The following MARK4 variants were observed in gnomAD, a reference collection of about 807,000 sequenced individuals.
MARK4 encodes the protein MAP/microtubule affinity-regulating kinase 4.
In MARK4, 19 loss-of-function variants were observed where a neutral mutation model predicts 81.5. The ratio of observed to expected loss-of-function variants is 0.23; its 90% CI spans 0.16 to 0.34. The LOEUF (loss-of-function observed/expected upper bound fraction) is 0.34, where lower values mean the gene tolerates loss of function less well. Ranked by LOEUF, MARK4 falls within the 10% of genes least tolerant of loss-of-function variation. The pLI, the probability that MARK4 is intolerant of heterozygous loss-of-function variation, is 1.00. For synonymous variants in MARK4, 436 were observed against 439.0 expected, an observed-to-expected ratio of 0.99 and a Z score of 0.08; for missense variants, 772 against 1,058.8, an observed-to-expected ratio of 0.73 and a Z score of 3.76.
At chr19:45,261,221 G>A (rs536994675) in intron 2 of MARK4, among the ~76,000 whole-genome samples, 9 of 152,248 alleles carry the variant, frequency 5.9e-5, no homozygotes, top group Middle Eastern at 3.4e-3. Context: ...TGATTTTTAC[G>A]CGCTAGTTTG....
At chr19:45,262,912 C>T (rs1246171071) in intron 2 of MARK4, 8 of 561,056 alleles carry the variant, frequency 1.4e-5, no homozygotes, top group Admixed American at 6.0e-5. Flanking sequence ...TTACAGGTGC[C>T]TGCTACCACA....
intron 12 of MARK4, among the ~76,000 whole-genome samples, chr19:45,281,443 C>T (rs1168207464): frequency 3.3e-5 from 5 of 151,242 alleles, no homozygotes; most frequent in Admixed American, 6.6e-5. Context: ...TCACTGCAAC[C>T]TCCACCTCTT....
intron 1 of MARK4, among the ~76,000 whole-genome samples, chr19:45,255,068 G>A (rs898116929): frequency 1.3e-5 from 2 of 152,112 alleles, no homozygotes; most frequent in African/African-American, 4.8e-5. Flanking sequence ...TGTGTGTGGT[G>A]GTGCACTCCT....
In MARK4 at chr19:45,302,639, C is replaced by G. The variant is rs942736550; in HGVS notation, c.2188C>G (p.Arg730Gly). The change falls in exon 17 of 17, where the codon CGC becomes GGC. Residue 730 changes from arginine to glycine, a missense_variant. Arg to Gly is a moderately radical substitution (Grantham distance 125). Transcript: ENST00000262891. The surrounding 1 kb of genome is among the most constrained non-coding windows in gnomAD (Gnocchi z 4.9). The part of the protein sequence containing the change: ...PRPGLRGVLF[R>G]RVAGTALAFR... ...GCCAGGCTTGCGGGGAGTTCTCTTC[C>G]GCCGTGTGGCGGGCACCGCCCTGGC... 1 of 1,541,626 alleles carries G rather than the reference C, an allele frequency of 6.5e-7. No homozygotes were observed. Among genetic ancestry groups the G allele is most frequent in the Non-Finnish European group, 8.7e-7 (1 of 1,149,868 alleles).
chr19:45,259,248 G>A, intron 2 of MARK4, 59 bp downstream of exon 2: 2 of 1,579,590 alleles, frequency 1.3e-6, no homozygotes, highest in Non-Finnish European at 1.7e-6. Flanking sequence ...GGTCTTCGGT[G>A]TATGTTGATA....
chr19:45,302,863 T>G lies in MARK4; in HGVS notation c.*153T>G. The G allele has an allele frequency of 8.1e-7, 1 of 1,233,396 alleles. No homozygotes were observed. Among genetic ancestry groups the G allele is most frequent in the South Asian group, 1.5e-5 (1 of 64,636 alleles). 76.4% of individuals were successfully genotyped at this position (1,233,396 alleles called of 1,614,324 possible). ...GCAAAGATTGTCCCCTCTGCTGTTC[T>G]CTGGGGCCGCTCAGCACAGAAGAAG... On this transcript the variant is annotated 3_prime_UTR_variant, in exon 17 of 17. Coordinates refer to ENST00000262891, the MANE Select transcript of MARK4 (RefSeq NM_001199867.2). This position sits in a 1 kb window ranked among gnomAD's most constrained non-coding sequence, Gnocchi z 4.9.
intron 2 of MARK4, 90 bp downstream of exon 2, chr19:45,259,279 G>GT: frequency 6.9e-7 from 1 of 1,451,860 alleles, no homozygotes; most frequent in Non-Finnish European, 9.3e-7. Context: ...TTGGCCCTGG[G>GT]TTTGCTTTGT....
chr19:45,259,446 A>G (rs1267175643), intron 2 of MARK4, among the ~76,000 whole-genome samples: 1 of 152,112 alleles, frequency 6.6e-6, no homozygotes, highest in Non-Finnish European at 1.5e-5. Flanking sequence ...GTTGCTAAGG[A>G]TGCATGTGGC....
chr19:45,258,513 A>C (rs1388887390), intron 1 of MARK4, among the ~76,000 whole-genome samples: 2 of 151,998 alleles, frequency 1.3e-5, no homozygotes, highest in Non-Finnish European at 2.9e-5. Flanking sequence ...CAGCTTAGTC[A>C]ACATGGTGAA....
At position 45,263,177 on chromosome 19, in the gene MARK4, G is replaced by A. The variant is rs573576657; in HGVS notation, c.306+11G>A. 1.2e-6 allele frequency: 2 copies of A among 1,610,174 alleles called. No homozygotes were observed. The highest frequency in any genetic ancestry group is 1.7e-6 in the Non-Finnish European group (2 of 1,178,154). ...AGCAGCCTGCAGAAGGTGAGGCTGG[G>A]GAGACGGGGGAGAGCAGGAGCCAGG... is the stretch of plus-strand genomic sequence containing the variant. On this transcript the variant is annotated intron_variant, in intron 3 of 16. Coordinates refer to ENST00000262891, the MANE Select transcript of MARK4 (RefSeq NM_001199867.2).
chr19:45,257,389 T>C (rs1204107535), intron 1 of MARK4, among the ~76,000 whole-genome samples: 1 of 149,030 alleles, frequency 6.7e-6, no homozygotes, highest in Non-Finnish European at 1.5e-5. Context: ...TTCTCTTTTT[T>C]TTTTTTTTTT....
At chr19:45,266,368 C>A in intron 7 of MARK4, 87 bp downstream of exon 7, 1 of 1,308,222 alleles carries the variant, frequency 7.6e-7, no homozygotes, top group Non-Finnish European at 1.1e-6. Context: ...GTTTCCGTGG[C>A]CTCCAGCAAA....
intron 8 of MARK4, among the ~76,000 whole-genome samples, chr19:45,276,138 T>C (rs1970594868): frequency 6.6e-6 from 1 of 152,060 alleles, no homozygotes; most frequent in African/African-American, 2.4e-5. Flanking sequence ...GCAATCCTCC[T>C]GCTTCAGCCT....
intron 4 of MARK4, 47 bp from the exon 5 acceptor site, chr19:45,264,637 A>C: frequency 6.3e-7 from 1 of 1,576,772 alleles, no homozygotes; most frequent in Non-Finnish European, 8.7e-7. Flanking sequence ...ACAGGTTAGG[A>C]GGGGCCCTTT....
intron 8 of MARK4, 118 bp from the exon 9 acceptor site, chr19:45,277,805 A>G (rs987384536): frequency 8.1e-7 from 1 of 1,230,188 alleles, no homozygotes; most frequent in Non-Finnish European, 1.1e-6. Context: ...ACTTCTATCA[A>G]AGGGGTTGGG....
At chr19:45,256,267 G>C (rs1259573288) in intron 1 of MARK4, among the ~76,000 whole-genome samples, 3 of 152,092 alleles carry the variant, frequency 2.0e-5, no homozygotes, top group African/African-American at 7.2e-5. Context: ...ATGAAACCTC[G>C]TCTCTACTAA....
intron 4 of MARK4, among the ~76,000 whole-genome samples, chr19:45,264,340 A>G (rs1970421615): frequency 6.6e-6 from 1 of 152,078 alleles, no homozygotes; most frequent in South Asian, 2.1e-4. Flanking sequence ...CGTATCTATT[A>G]AAAATACAAA....
chr19:45,268,950 C>T (rs1970490435), intron 7 of MARK4, among the ~76,000 whole-genome samples: 1 of 152,148 alleles, frequency 6.6e-6, no homozygotes, highest in Non-Finnish European at 1.5e-5. Flanking sequence ...GGTCGTATGT[C>T]CCCTGGTGGA....
intron 6 of MARK4, among the ~76,000 whole-genome samples, 193 bp downstream of exon 6, chr19:45,265,103 G>C (rs536883315): frequency 9.2e-5 from 14 of 152,330 alleles, no homozygotes; most frequent in Non-Finnish European, 1.8e-4. Context: ...TAGGTTTGCA[G>C]GTGCCCCGTT....
Sources: gnomAD v4.1 joint callset for allele counts (sites outside exome capture counted in the v4.1 genomes callset) on GRCh38, gnomAD v4.1.1 for gene constraint, Gnocchi (gnomAD v3.1) non-coding constraint, MANE v1.5 for transcripts, NCBI Gene and HGNC (gene_info 2026-07-23, HGNC 2026-07-21) for gene names.